Variants in ZFR observed in about 807,000 individuals in gnomAD.
ZFR encodes zinc finger RNA-binding protein.
Under a neutral mutation model 130.7 loss-of-function variants are expected in ZFR, and 19 were observed. That is an observed-to-expected ratio of 0.15 (90% CI 0.10 to 0.21). The LOEUF (loss-of-function observed/expected upper bound fraction) is 0.21, where lower values mean the gene tolerates loss of function less well. Among genes scored for constraint, ZFR ranks in the 10% least tolerant of loss-of-function variants. The probability of loss-of-function intolerance (pLI) is 1.00; values close to 1 mark genes in which losing one functional copy is unlikely to be tolerated. For synonymous variants in ZFR, 466 were observed against 456.9 expected, an observed-to-expected ratio of 1.02 and a Z score of -0.25; for missense variants, 872 against 1,321.5, an observed-to-expected ratio of 0.66 and a Z score of 5.27.
chr5:32,436,140 C>CTTTTTTT (rs370998112), intron 2 of ZFR, among the ~76,000 whole-genome samples: 4 of 91,800 alleles, frequency 4.4e-5, no homozygotes, highest in Admixed American at 1.4e-4. Flanking sequence ...CAGTTGTATT[C>CTTTTTTT]TTTTTTTTTT....
At chr5:32,438,041 G>T (rs541553865) in intron 2 of ZFR, among the ~76,000 whole-genome samples, 1 of 151,888 alleles carries the variant, frequency 6.6e-6, no homozygotes, top group African/African-American at 2.4e-5. Context: ...TGATGGCATT[G>T]GTTTTTCACT....
intron 5 of ZFR, among the ~76,000 whole-genome samples, chr5:32,409,595 G>A (rs778607891): frequency 6.6e-6 from 1 of 151,930 alleles, no homozygotes; most frequent in Admixed American, 6.6e-5. Flanking sequence ...TAGTAGAGAC[G>A]GGGTTTTACC....
intron 19 of ZFR, among the ~76,000 whole-genome samples, chr5:32,357,263 G>GTATT (rs1350640741): frequency 6.6e-6 from 1 of 151,378 alleles, no homozygotes; most frequent in Admixed American, 6.6e-5. Context: ...GCTATAACTT[G>GTATT]TATTTATTTA....
chr5:32,407,799 T>C (rs1280046686), intron 5 of ZFR, among the ~76,000 whole-genome samples: 3 of 152,204 alleles, frequency 2.0e-5, no homozygotes, highest in Non-Finnish European at 4.4e-5. Context: ...AGTGAATAAG[T>C]ACATTATGCA....
At chr5:32,385,395 CA>C in intron 15 of ZFR, 112 bp downstream of exon 15, 1 of 1,277,566 alleles carries the variant, frequency 7.8e-7, no homozygotes. Flanking sequence ...TCAAATCTAT[CA>C]AATTCACGTG....
chr5:32,361,953 A>C (rs1172425540), intron 19 of ZFR, among the ~76,000 whole-genome samples: 2 of 152,164 alleles, frequency 1.3e-5, no homozygotes, highest in East Asian at 3.9e-4. Context: ...AAATGAAGGA[A>C]TACTCCAGTA....
chr5:32,421,858 C>T (rs1753966406), intron 2 of ZFR, among the ~76,000 whole-genome samples: 1 of 152,028 alleles, frequency 6.6e-6, no homozygotes, highest in Admixed American at 6.6e-5. Flanking sequence ...TACATTAAAA[C>T]AGTGAAAAAC....
chr5:32,409,045 A>C (rs549163644), intron 5 of ZFR, among the ~76,000 whole-genome samples: 31 of 152,336 alleles, frequency 2.0e-4, no homozygotes, highest in African/African-American at 7.2e-4. Flanking sequence ...TCAGTATTGC[A>C]GTCTGCATTT....
intron 17 of ZFR, among the ~76,000 whole-genome samples, chr5:32,374,088 A>G (rs1752740158): frequency 1.3e-5 from 2 of 152,212 alleles, no homozygotes; most frequent in Admixed American, 6.5e-5. Flanking sequence ...TATTCATACA[A>G]GTAACAACGT....
At chr5:32,357,946 ATCTG>A (rs1293821779) in intron 19 of ZFR, among the ~76,000 whole-genome samples, 3 of 152,336 alleles carry the variant, frequency 2.0e-5, no homozygotes, top group African/African-American at 7.2e-5. Flanking sequence ...CCAAAGGTTT[ATCTG>A]TCTACTTCTG....
chr5:32,368,223 CA>C (rs1298219472), intron 17 of ZFR, among the ~76,000 whole-genome samples: 2 of 102,962 alleles, frequency 1.9e-5, no homozygotes, highest in African/African-American at 7.7e-5. Flanking sequence ...GCACAAATGG[CA>C]AACTGCATCA....
At chr5:32,371,139 G>C (rs1752662134) in intron 17 of ZFR, among the ~76,000 whole-genome samples, 1 of 152,292 alleles carries the variant, frequency 6.6e-6, no homozygotes, top group African/African-American at 2.4e-5. Flanking sequence ...GAAGACCGTG[G>C]CAAGAGGATC....
rs576959110 is a variant in ZFR at position 32,428,975 on chromosome 5, C to CT, written c.138-8873dup. ...GAATTAGAAAAAAGTCTTCTTACAT[C>CT]TTTTTTTTTTTTTTTTTTTTTTTTT... is the stretch of plus-strand genomic sequence containing the variant. On this transcript the variant is annotated intron_variant, in intron 2 of 19. Transcript: ENST00000265069. 1.7e-3 allele frequency among the ~76,000 whole-genome samples: 159 copies of CT among 91,200 alleles called. 4 individuals are homozygous for CT. Among genetic ancestry groups the CT allele is most frequent in the East Asian group, 4.5e-3 (14 of 3,090 alleles). 59.8% of individuals were successfully genotyped at this position (91,200 alleles called of 152,430 possible).
chr5:32,372,270 T>C (rs1236553467), intron 17 of ZFR, among the ~76,000 whole-genome samples: 1 of 152,186 alleles, frequency 6.6e-6, no homozygotes, highest in African/African-American at 2.4e-5. Flanking sequence ...GAACATAGCA[T>C]GAAAACTAGT....
At chr5:32,390,184 A>T in intron 12 of ZFR, 91 bp downstream of exon 12, 1 of 1,444,582 alleles carries the variant, frequency 6.9e-7, no homozygotes, top group South Asian at 1.4e-5. Context: ...CAAGATTATT[A>T]AGTCTAAACA....
At chr5:32,410,478 TG>T (rs936159405) in intron 5 of ZFR, among the ~76,000 whole-genome samples, 1 of 151,482 alleles carries the variant, frequency 6.6e-6, no homozygotes, top group African/African-American at 2.4e-5. Flanking sequence ...TAGCCAGGCA[TG>T]GTGGCTCACG....
intron 2 of ZFR, among the ~76,000 whole-genome samples, chr5:32,434,698 T>C (rs1754296505): frequency 6.6e-6 from 1 of 152,206 alleles, no homozygotes; most frequent in Non-Finnish European, 1.5e-5. Context: ...ATGTTTAAGA[T>C]CCCATGATGT....
Position 32,379,067 on chromosome 5 carries a change from G to C in ZFR, c.2835+48C>G, listed in dbSNP as rs754580828. 2.2e-6 allele frequency: 3 copies of C among 1,379,414 alleles called. No individual in the cohort carries two copies. In the African/African-American group the frequency reaches 4.3e-5, roughly 20 times the overall value. 85.4% of individuals were successfully genotyped at this position (1,379,414 alleles called of 1,614,324 possible). On this transcript the variant is annotated intron_variant, in intron 17 of 19. Coordinates refer to ENST00000265069, the MANE Select transcript of ZFR (RefSeq NM_016107.5). ...GTAAACTGAGAGGATAAAAGCTGCA[G>C]AATTATTTCCTACATGTTTTTACAC...
intron 9 of ZFR, among the ~76,000 whole-genome samples, chr5:32,397,637 T>G (rs1483927453): frequency 6.6e-6 from 1 of 151,904 alleles, no homozygotes; most frequent in Non-Finnish European, 1.5e-5. Context: ...GTTTTTTGTA[T>G]TTTTAGTAGA....
Sources: allele counts gnomAD v4.1 joint callset (sites outside exome capture counted in the v4.1 genomes callset), GRCh38; gene constraint gnomAD v4.1.1; transcripts MANE v1.5; gene names NCBI Gene and HGNC (gene_info 2026-07-23, HGNC 2026-07-21).